Variants in MC2R observed in about 807,000 individuals in gnomAD.
MC2R encodes adrenocorticotropic hormone receptor.
A neutral mutation model predicts 9.8 loss-of-function variants in MC2R; 9 were observed. The observed-to-expected ratio is 0.92, with a 90% CI of 0.55 to 1.60. The LOEUF (loss-of-function observed/expected upper bound fraction) is 1.60. Ranked by LOEUF, MC2R falls within the 40% of genes most tolerant of loss-of-function variation. The pLI is 0.00. For missense variants in MC2R, 370 were observed against 389.0 expected (o/e 0.95, Z 0.41); for synonymous variants, 185 against 154.7 (o/e 1.20, Z -1.45).
At chr18:13,910,904 A>G (rs1021660758) in intron 1 of MC2R, among the ~76,000 whole-genome samples, 3 of 152,198 alleles carry the variant, frequency 2.0e-5, no homozygotes, top group Non-Finnish European at 4.4e-5. Context: ...TACAAAACCA[A>G]CACCAGTCAC....
chr18:13,907,974 T>C (rs1381607858), intron 1 of MC2R, among the ~76,000 whole-genome samples: 2 of 151,970 alleles, frequency 1.3e-5, no homozygotes, highest in African/African-American at 2.4e-5. Flanking sequence ...AGTTTGGAGG[T>C]GACTCAAAAC....
intron 1 of MC2R, among the ~76,000 whole-genome samples, chr18:13,909,535 G>A (rs1403730241): frequency 6.6e-6 from 1 of 152,250 alleles, no homozygotes; most frequent in African/African-American, 2.4e-5. Flanking sequence ...CTTCTGCATG[G>A]GAGATTAGCC....
chr18:13,883,802 G>A lies in MC2R; in HGVS notation c.*823C>T, dbSNP rs918247597. On this transcript the variant is annotated 3_prime_UTR_variant, in exon 2 of 2. Transcript: ENST00000327606. ...TCTGGCCTTTATGTATTCCCACATG[G>A]GAACTAAATGGATTAAATTTTCATT... The A allele has an allele frequency of 6.6e-6, 1 of 152,062 alleles. No homozygotes were observed. The highest frequency in any genetic ancestry group is 2.4e-5 in the African/African-American group (1 of 41,362). The allele number at this position is 152,062 out of a possible 1,614,324, so 9.4% of individuals were successfully genotyped here. A position where few individuals can be genotyped will look rare whatever the true frequency, so the allele number is the denominator to read the frequency against.
chr18:13,903,821 A>G (rs1466881400), intron 1 of MC2R, among the ~76,000 whole-genome samples: 1 of 152,138 alleles, frequency 6.6e-6, no homozygotes, highest in East Asian at 1.9e-4. Context: ...TACATTTTTT[A>G]AAATAAAAAA....
chr18:13,903,774 T>C (rs1238745786), intron 1 of MC2R, among the ~76,000 whole-genome samples: 1 of 152,162 alleles, frequency 6.6e-6, no homozygotes, highest in Non-Finnish European at 1.5e-5. Flanking sequence ...TATTTGATAG[T>C]ACAACAGGGT....
At chr18:13,903,540 A>G (rs2045392987) in intron 1 of MC2R, among the ~76,000 whole-genome samples, 1 of 152,226 alleles carries the variant, frequency 6.6e-6, no homozygotes, top group South Asian at 2.1e-4. Flanking sequence ...GTCATTTGCA[A>G]CAACATGGAT....
chr18:13,895,839 G>A (rs1034442537), intron 1 of MC2R, among the ~76,000 whole-genome samples: 8 of 152,198 alleles, frequency 5.3e-5, no homozygotes, highest in Middle Eastern at 6.8e-3. Context: ...GGAGCCATCC[G>A]CAACAGCAAC....
In MC2R at chr18:13,882,936, G is replaced by A. The variant is rs1199398508; in HGVS notation, c.*1689C>T. On this transcript the variant is annotated 3_prime_UTR_variant, in exon 2 of 2. Coordinates refer to ENST00000327606, the MANE Select transcript of MC2R (RefSeq NM_000529.2). ...AACAGGGAAGGATTTCTACAGAACA[G>A]AGGACAAGAAGGTGCACCTTTCACC... 1 of 152,224 alleles carries A rather than the reference G, an allele frequency of 6.6e-6. No homozygotes were observed. Among genetic ancestry groups the A allele is most frequent in the Non-Finnish European group, 1.5e-5 (1 of 68,050 alleles). The allele number at this position is 152,224 out of a possible 1,614,324, so 9.4% of individuals were successfully genotyped here.
At chr18:13,892,764 A>G (rs1385279831) in intron 1 of MC2R, among the ~76,000 whole-genome samples, 3 of 151,800 alleles carry the variant, frequency 2.0e-5, no homozygotes, top group Non-Finnish European at 2.9e-5. Context: ...TTATTTTGAA[A>G]GAGAGATACA....
In MC2R at chr18:13,883,279, G is replaced by A. The variant is rs1221127378; in HGVS notation, c.*1346C>T. On this transcript the variant is annotated 3_prime_UTR_variant, in exon 2 of 2. Transcript: ENST00000327606. Reference sequence around the variant, plus strand: ...TTCAAGTCACCCTCCAACTTAGTGGGGACTTACAATCAGGATGTGCTTCTC... The same window carrying A: ...TTCAAGTCACCCTCCAACTTAGTGGAGACTTACAATCAGGATGTGCTTCTC... 6.6e-6 allele frequency: 1 copy of A among 152,122 alleles called. No individual in the cohort carries two copies. The highest frequency in any genetic ancestry group is 1.5e-5 in the Non-Finnish European group (1 of 68,056). The allele number at this position is 152,122 out of a possible 1,614,324, so 9.4% of individuals were successfully genotyped here.
chr18:13,888,236 G>C (rs564551077), intron 1 of MC2R, among the ~76,000 whole-genome samples: 1 of 152,164 alleles, frequency 6.6e-6, no homozygotes, highest in Non-Finnish European at 1.5e-5. Context: ...TCCATGGGGA[G>C]CCCTGAATTT....
intron 1 of MC2R, among the ~76,000 whole-genome samples, chr18:13,895,743 C>G (rs1234990357): frequency 6.6e-6 from 1 of 152,156 alleles, no homozygotes; most frequent in Non-Finnish European, 1.5e-5. Context: ...GGTTAGCACC[C>G]TGGGAAGGCT....
Position 13,884,462 on chromosome 18 carries a change from T to C in MC2R, c.*163A>G. ...GAGGTTGCCCCTACAATAAGACTGT[T>C]CACATAGAACCTAGCTATTAGAAAC... On this transcript the variant is annotated 3_prime_UTR_variant, in exon 2 of 2. Transcript: ENST00000327606. 1 of 764,108 alleles carries C rather than the reference T, an allele frequency of 1.3e-6. No individual in the cohort carries two copies. Among genetic ancestry groups the C allele is most frequent in the Non-Finnish European group, 2.2e-6 (1 of 445,646 alleles). 47.3% of individuals were successfully genotyped at this position (764,108 alleles called of 1,614,324 possible).
intron 1 of MC2R, among the ~76,000 whole-genome samples, chr18:13,911,269 G>T (rs964898290): frequency 6.6e-6 from 1 of 152,166 alleles, no homozygotes; most frequent in Admixed American, 6.5e-5. Context: ...CTCTCCTGGA[G>T]CTCCCTTTTT....
intron 1 of MC2R, among the ~76,000 whole-genome samples, chr18:13,904,588 G>A (rs1049999664): frequency 6.7e-6 from 1 of 150,176 alleles, no homozygotes; most frequent in Admixed American, 6.6e-5. Context: ...AAAGCTGGAA[G>A]TATCATGCTA....
intron 1 of MC2R, among the ~76,000 whole-genome samples, chr18:13,890,353 G>A (rs1466319416): frequency 2.0e-5 from 3 of 152,152 alleles, no homozygotes; most frequent in East Asian, 1.9e-4. Context: ...GTGTTTTCTC[G>A]GATTGCTCTT....
intron 1 of MC2R, among the ~76,000 whole-genome samples, chr18:13,892,065 G>C (rs1015170258): frequency 1.3e-5 from 2 of 152,192 alleles, no homozygotes; most frequent in Non-Finnish European, 2.9e-5. Flanking sequence ...AAGGGCCAGT[G>C]GTGGCCTGTG....
intron 1 of MC2R, among the ~76,000 whole-genome samples, chr18:13,912,928 T>C (rs1321857740): frequency 6.6e-6 from 1 of 152,116 alleles, no homozygotes; most frequent in East Asian, 1.9e-4. Context: ...GGTGGCTTTA[T>C]TCTTTTTCCC....
intron 1 of MC2R, among the ~76,000 whole-genome samples, chr18:13,903,114 G>C (rs1306389890): frequency 6.6e-6 from 1 of 152,188 alleles, no homozygotes; most frequent in Non-Finnish European, 1.5e-5. Context: ...TTGATCATTA[G>C]AGTAATGCAA....
Sources: allele counts gnomAD v4.1 joint callset (sites outside exome capture counted in the v4.1 genomes callset), GRCh38; gene constraint gnomAD v4.1.1; transcripts MANE v1.5; gene names NCBI Gene and HGNC (gene_info 2026-07-23, HGNC 2026-07-21).